SLC16A7: variants seen among roughly 807,000 people sequenced by gnomAD.
SLC16A7 encodes the protein monocarboxylate transporter 2.
SLC16A7 carries 33 observed loss-of-function variants against 34.9 expected under a neutral mutation model. The ratio of observed to expected loss-of-function variants is 0.94; its 90% CI spans 0.72 to 1.26. SLC16A7 has a LOEUF of 1.26. SLC16A7 is among the 50% of genes most tolerant of loss of function. SLC16A7 has a pLI of 0.00. For synonymous variants in SLC16A7, 201 were observed against 206.6 expected, an observed-to-expected ratio of 0.97 and a Z score of 0.23; for missense variants, 573 against 578.1, an observed-to-expected ratio of 0.99 and a Z score of 0.09.
At chr12:59,667,228 G>A (rs1869281485) in intron 2 of SLC16A7, among the ~76,000 whole-genome samples, 1 of 152,138 alleles carries the variant, frequency 6.6e-6, no homozygotes, top group Admixed American at 6.5e-5. Context: ...TGAAATTCAA[G>A]TTGAGATTTG....
chr12:59,633,051 T>G (rs1880255025), intron 1 of SLC16A7, among the ~76,000 whole-genome samples: 1 of 152,020 alleles, frequency 6.6e-6, no homozygotes, highest in African/African-American at 2.4e-5. Context: ...ATAATAATTC[T>G]GATGTTCATC....
chr12:59,775,535 A>T, intron 5 of SLC16A7, 60 bp downstream of exon 5: 1 of 1,185,650 alleles, frequency 8.4e-7, no homozygotes, highest in Non-Finnish European at 1.2e-6. Context: ...ATTAACGGAG[A>T]CTTTATATAC....
chr12:59,597,949 A>G (rs996374377), intron 1 of SLC16A7, among the ~76,000 whole-genome samples: 6 of 152,230 alleles, frequency 3.9e-5, no homozygotes, highest in South Asian at 2.1e-4. Context: ...GTATCCTTCT[A>G]TAAATGCTCA....
At chr12:59,656,244 T>C (rs1868528269) in intron 2 of SLC16A7, among the ~76,000 whole-genome samples, 1 of 152,010 alleles carries the variant, frequency 6.6e-6, no homozygotes, top group South Asian at 2.1e-4. Flanking sequence ...CACATTTTAA[T>C]CTCTGCCACT....
intron 1 of SLC16A7, among the ~76,000 whole-genome samples, chr12:59,614,227 G>A (rs190471841): frequency 4.5e-3 from 679 of 152,092 alleles, no homozygotes; most frequent in Non-Finnish European, 7.3e-3. Flanking sequence ...AGTAGAGATG[G>A]AGTTTCGCCA....
At chr12:59,734,871 C>T (rs2706308) in intron 3 of SLC16A7, among the ~76,000 whole-genome samples, 18,672 of 152,160 alleles carry the variant, frequency 0.12, 1,495 homozygotes, top group African/African-American at 0.22. Context: ...TAGCTATATT[C>T]TTTAAAATCT....
At chr12:59,660,247 G>C (rs1868770446) in intron 2 of SLC16A7, among the ~76,000 whole-genome samples, 1 of 151,808 alleles carries the variant, frequency 6.6e-6, no homozygotes. Flanking sequence ...ACAGGCTGAG[G>C]CCTTTCACAA....
At chr12:59,727,086 A>C (rs1002583889) in intron 3 of SLC16A7, among the ~76,000 whole-genome samples, 1 of 150,982 alleles carries the variant, frequency 6.6e-6, no homozygotes, top group Admixed American at 6.6e-5. Context: ...TGTTGGAGGA[A>C]CTTTAGCCAA....
intron 1 of SLC16A7, among the ~76,000 whole-genome samples, chr12:59,617,094 T>C (rs1189854001): frequency 6.6e-6 from 1 of 152,094 alleles, no homozygotes; most frequent in East Asian, 1.9e-4. Context: ...TTTAGTATTA[T>C]TTTTAGCCTC....
chr12:59,691,176 G>A (rs1052887620), intron 2 of SLC16A7, among the ~76,000 whole-genome samples: 1 of 151,838 alleles, frequency 6.6e-6, no homozygotes, highest in Non-Finnish European at 1.5e-5. Context: ...GTAAATATAT[G>A]TACATTATCT....
chr12:59,765,017 A>G (rs1408591260), intron 3 of SLC16A7, among the ~76,000 whole-genome samples: 2 of 152,048 alleles, frequency 1.3e-5, no homozygotes, highest in Non-Finnish European at 2.9e-5. Flanking sequence ...TTTTAATGAT[A>G]GCCATTCTAA....
chr12:59,780,900 G>T lies in SLC16A7; in HGVS notation c.*1221G>T, dbSNP rs1883200776. On this transcript the variant is annotated 3_prime_UTR_variant, in exon 6 of 6. Transcript: ENST00000547379. Reference sequence around the variant, plus strand: ...GGCCTTGTGCTCAACCACTGGAAATGCCTCCTGGGATAAGAATGGCAGCAC... The same window carrying T: ...GGCCTTGTGCTCAACCACTGGAAATTCCTCCTGGGATAAGAATGGCAGCAC... 2 of 152,304 alleles carry T rather than the reference G, an allele frequency of 1.3e-5. No homozygotes were observed. The highest frequency in any genetic ancestry group is 4.1e-4 in the South Asian group (2 of 4,830). 9.4% of individuals were successfully genotyped at this position (152,304 alleles called of 1,614,324 possible).
At chr12:59,738,204 G>C (rs1364942173) in intron 3 of SLC16A7, among the ~76,000 whole-genome samples, 1 of 152,064 alleles carries the variant, frequency 6.6e-6, no homozygotes, top group Non-Finnish European at 1.5e-5. Flanking sequence ...TTTTGATTTG[G>C]AGAATTGCTT....
intron 3 of SLC16A7, among the ~76,000 whole-genome samples, chr12:59,756,196 G>A (rs970234264): frequency 9.9e-5 from 15 of 151,524 alleles, no homozygotes; most frequent in African/African-American, 3.4e-4. Flanking sequence ...CATAGTCATG[G>A]GCAAGGACTT....
intron 3 of SLC16A7, among the ~76,000 whole-genome samples, chr12:59,725,853 C>G (rs1381518542): frequency 6.6e-6 from 1 of 152,092 alleles, no homozygotes; most frequent in Non-Finnish European, 1.5e-5. Context: ...CTTGAACAGC[C>G]TCCTACATGT....
At position 59,596,311 on chromosome 12, in the gene SLC16A7, C is replaced by A. The variant is rs1474998708; in HGVS notation, c.-130+75C>A. On this transcript the variant is annotated intron_variant, in intron 1 of 5. Transcript: ENST00000547379. This position sits in a 1 kb window ranked among gnomAD's most constrained non-coding sequence, Gnocchi z 5.0. ...GCCGGCTAAGAGGAGGGCGAGCCTG[C>A]GTCTGCGACCCGAGCTGCCCGCGGA... 3 of 152,880 alleles carry A rather than the reference C, an allele frequency of 2.0e-5. No individual in the cohort carries two copies. The highest frequency in any genetic ancestry group is 7.2e-5 in the African/African-American group (3 of 41,412). 9.5% of individuals were successfully genotyped at this position (152,880 alleles called of 1,614,324 possible). A position where few individuals can be genotyped will look rare whatever the true frequency, so the allele number is the denominator to read the frequency against.
At chr12:59,710,331 A>G (rs971790041) in intron 3 of SLC16A7, among the ~76,000 whole-genome samples, 5 of 152,204 alleles carry the variant, frequency 3.3e-5, no homozygotes, top group African/African-American at 4.8e-5. Flanking sequence ...GCCAGTCTTC[A>G]TGGAATAAAA....
chr12:59,722,841 C>T (rs1875767048), intron 3 of SLC16A7, among the ~76,000 whole-genome samples: 1 of 151,838 alleles, frequency 6.6e-6, no homozygotes, highest in Non-Finnish European at 1.5e-5. Flanking sequence ...ATAGTAGTGT[C>T]CTATAGAACT....
rs1013760693 is a variant in SLC16A7 at position 59,774,996 on chromosome 12, A to G, written c.701A>G (p.Asn234Ser). The part of the protein sequence containing the change: ...KTKKSTWEKV[N>S]KYLDFSLFKH... ...AAGAAATCAACTTGGGAAAAAGTTAATAAGTATTTAGATTTCTCCCTTTTT... is the reference window on the plus strand; with the variant it reads ...AAGAAATCAACTTGGGAAAAAGTTAGTAAGTATTTAGATTTCTCCCTTTTT... The change falls in exon 5 of 6, where the codon AAT (asparagine) becomes AGT (serine). Residue 234 changes from asparagine (N) to serine (S), a missense_variant. Physicochemically the swap from Asn to Ser is conservative, Grantham distance 46. Coordinates refer to ENST00000547379, the MANE Select transcript of SLC16A7 (RefSeq NM_001270623.2). The G allele has an allele frequency of 5.0e-6, 8 of 1,613,838 alleles. No individual in the cohort carries two copies. In the Admixed American group the frequency reaches 6.7e-5, roughly 13 times the overall value.
Sources: gnomAD v4.1 joint callset for allele counts (sites outside exome capture counted in the v4.1 genomes callset) on GRCh38, gnomAD v4.1.1 for gene constraint, Gnocchi (gnomAD v3.1) non-coding constraint, MANE v1.5 for transcripts, NCBI Gene and HGNC (gene_info 2026-07-23, HGNC 2026-07-21) for gene names.